KY: variants seen among roughly 807,000 people sequenced by gnomAD.
KY encodes kyphoscoliosis peptidase.
KY carries 43 observed loss-of-function variants against 76.1 expected under a neutral mutation model. The observed-to-expected ratio is 0.57, with a 90% CI of 0.44 to 0.73. The LOEUF (loss-of-function observed/expected upper bound fraction) is 0.73. Ranked by LOEUF, KY falls within the 30% of genes least tolerant of loss-of-function variation. The pLI is 0.00. For missense variants in KY, 722 were observed against 828.9 expected (o/e 0.87, Z 1.58); for synonymous variants, 277 against 326.2 (o/e 0.85, Z 1.63).
At chr3:134,628,091 C>T (rs1963706897) in intron 4 of KY, 1 of 479,418 alleles carries the variant, frequency 2.1e-6, no homozygotes, top group Admixed American at 3.5e-5. Flanking sequence ...TCTGACCTAA[C>T]ACTTTGGGTG....
In KY at chr3:134,604,010, TC is replaced by T; in HGVS notation, c.1554del (p.Lys519SerfsTer5). On this transcript the variant is annotated frameshift_variant, in exon 11 of 11. Coordinates refer to ENST00000423778, the MANE Select transcript of KY (RefSeq NM_178554.6). LOFTEE classifies it high-confidence loss of function. Reference protein sequence around the residue: ...QRRYIFQLHREKQTELKVQLP... With the variant: ...QRRYIFQLHRXKQTELKVQLP... ...AGCTGGACTTTCAGCTCGGTCTGCTTCTCCCGGTGCAGCTGGAAGATGTAGC... is the reference window on the plus strand; with the variant it reads ...AGCTGGACTTTCAGCTCGGTCTGCTTTCCCGGTGCAGCTGGAAGATGTAGC... The T allele has an allele frequency of 6.2e-7, 1 of 1,613,938 alleles. No individual in the cohort carries two copies. The highest frequency in any genetic ancestry group is 8.5e-7 in the Non-Finnish European group (1 of 1,179,824).
At chr3:134,638,907 G>GGT (rs3060233) in intron 3 of KY, among the ~76,000 whole-genome samples, 3 of 151,668 alleles carry the variant, frequency 2.0e-5, no homozygotes, top group African/African-American at 4.8e-5. Context: ...AAGACTGTCA[G>GGT]GTGTGTGTGT....
At chr3:134,615,954 C>G (rs113651001) in intron 8 of KY, among the ~76,000 whole-genome samples, 1 of 152,212 alleles carries the variant, frequency 6.6e-6, no homozygotes, top group East Asian at 1.9e-4. Flanking sequence ...CCCTCAGTGT[C>G]AGGGCTCAAA....
intron 2 of KY, among the ~76,000 whole-genome samples, chr3:134,647,195 G>T (rs993803677): frequency 6.6e-6 from 1 of 152,158 alleles, no homozygotes; most frequent in Non-Finnish European, 1.5e-5. Context: ...CAAACAAATG[G>T]GTGCTCAAGT....
chr3:134,634,851 C>T (rs555109183), intron 3 of KY, among the ~76,000 whole-genome samples: 1 of 152,260 alleles, frequency 6.6e-6, no homozygotes, highest in African/African-American at 2.4e-5. Context: ...TGGAACCAAT[C>T]CCCCATGTAT....
At chr3:134,640,150 G>A (rs1388107425) in intron 3 of KY, among the ~76,000 whole-genome samples, 3 of 147,378 alleles carry the variant, frequency 2.0e-5, no homozygotes, top group Middle Eastern at 3.2e-3. Flanking sequence ...CTGAGGAGGA[G>A]AGAAAATGTT....
chr3:134,643,469 G>C, intron 2 of KY, 91 bp from the exon 3 acceptor site: 1 of 1,034,998 alleles, frequency 9.7e-7, no homozygotes, highest in Non-Finnish European at 1.5e-6. Context: ...GGGAAAGGTG[G>C]GCTGGCGGGG....
At chr3:134,624,583 C>T (rs1963164089) in intron 6 of KY, among the ~76,000 whole-genome samples, 1 of 152,218 alleles carries the variant, frequency 6.6e-6, no homozygotes, top group Non-Finnish European at 1.5e-5. Flanking sequence ...CTGAGACATG[C>T]TCAGGGCCAG....
chr3:134,623,119 C>G (rs1011985139), intron 6 of KY, among the ~76,000 whole-genome samples: 57 of 152,252 alleles, frequency 3.7e-4, no homozygotes, highest in African/African-American at 1.4e-3. Flanking sequence ...CCTGACTTAG[C>G]CTTCTACTTC....
At chr3:134,624,750 C>A (rs551780192) in intron 6 of KY, among the ~76,000 whole-genome samples, 5 of 152,100 alleles carry the variant, frequency 3.3e-5, no homozygotes, top group African/African-American at 7.2e-5. Context: ...CCAAAAGGGG[C>A]ATGGAGAAGG....
At chr3:134,619,692 G>T (rs1962254103) in intron 7 of KY, among the ~76,000 whole-genome samples, 1 of 152,244 alleles carries the variant, frequency 6.6e-6, no homozygotes, top group South Asian at 2.1e-4. Flanking sequence ...CCCACAGCCT[G>T]TCACTTCACT....
intron 2 of KY, among the ~76,000 whole-genome samples, chr3:134,647,201 C>G (rs990995475): frequency 6.6e-6 from 1 of 152,226 alleles, no homozygotes; most frequent in African/African-American, 2.4e-5. Flanking sequence ...AATGGGTGCT[C>G]AAGTTCCTGG....
rs1029197767 is a variant in KY, at chr3:134,621,637, C to A, written c.484-780G>T. On this transcript the variant is annotated intron_variant, in intron 6 of 10. Transcript: ENST00000423778. ...CTCAGAAGAAAACACTGGGGTTAAT[C>A]TTCATGACCTTGGATTTGGCAATGA... Among the ~76,000 whole-genome samples the A allele has an allele frequency of 5.9e-5, 9 of 152,284 alleles. No homozygotes were observed. In the South Asian group the frequency reaches 1.2e-3, roughly 21 times the overall value.
At chr3:134,636,564 C>G (rs1205603996) in intron 3 of KY, among the ~76,000 whole-genome samples, 1 of 152,182 alleles carries the variant, frequency 6.6e-6, no homozygotes, top group African/African-American at 2.4e-5. Context: ...GAGGCTATCC[C>G]AGACCAGCTG....
chr3:134,600,301 G>C lies in KY; in HGVS notation c.*3278C>G, dbSNP rs1434012252. Among the ~76,000 whole-genome samples, 1 of 152,210 alleles carries C rather than the reference G, an allele frequency of 6.6e-6. No individual in the cohort carries two copies. The highest frequency in any genetic ancestry group is 6.5e-5 in the Admixed American group (1 of 15,276). On this transcript the variant is annotated 3_prime_UTR_variant, in exon 11 of 11. Transcript: ENST00000423778. ...CTGGGAAAACTTTTCTCCTTTTCAA[G>C]TCCTTTGAGAAGAGGATTTCACAAA...
At chr3:134,619,125 A>C (rs1034579953) in intron 8 of KY, 23 bp downstream of exon 8, 1 of 1,585,914 alleles carries the variant, frequency 6.3e-7, no homozygotes. Context: ...GGTGGTCAGC[A>C]TGGGGACTCC....
rs943112265 is a variant in KY at position 134,600,399 on chromosome 3, C to T, written c.*3180G>A. Among the ~76,000 whole-genome samples the T allele has an allele frequency of 6.6e-6, 1 of 152,146 alleles. No individual in the cohort carries two copies. Among genetic ancestry groups the T allele is most frequent in the African/African-American group, 2.4e-5 (1 of 41,426 alleles). ...TTATGTCTAGCCGAAATCCTTCATG[C>T]TTCAGTTAGTCTATTTATTTACTTT... On this transcript the variant is annotated 3_prime_UTR_variant, in exon 11 of 11. Transcript: ENST00000423778.
chr3:134,647,478 A>C lies in KY; in HGVS notation c.156T>G (p.Asn52Lys). 6 of 1,611,784 alleles carry C rather than the reference A, an allele frequency of 3.7e-6. No homozygotes were observed. Among genetic ancestry groups the C allele is most frequent in the Non-Finnish European group, 5.1e-6 (6 of 1,178,400 alleles). The change falls in exon 2 of 11, where the codon AAT becomes AAG. Residue 52 changes from asparagine to lysine, a missense_variant. This residue lies in a region of KY where 170 missense variants were observed against 148.1 expected (regional missense o/e 1.15). Coordinates refer to ENST00000423778, the MANE Select transcript of KY (RefSeq NM_178554.6). ...QRGGGFQGVGNGVRRWQKLEG... is the reference protein window; with the variant it reads ...QRGGGFQGVGKGVRRWQKLEG... ...CTAATTTCTGCCATCTTCGGACTCCATTTCCAACACCTTGGAATCCTGCAA... is the reference window on the plus strand; with the variant it reads ...CTAATTTCTGCCATCTTCGGACTCCCTTTCCAACACCTTGGAATCCTGCAA...
At chr3:134,650,730 C>T in intron 1 of KY, 95 bp downstream of exon 1, 1 of 1,202,756 alleles carries the variant, frequency 8.3e-7, no homozygotes, top group South Asian at 1.6e-5. Flanking sequence ...TGACCTCGTT[C>T]GGGGGAGCAA....
Sources: allele counts gnomAD v4.1 joint callset (sites outside exome capture counted in the v4.1 genomes callset), GRCh38; gene constraint gnomAD v4.1.1; regional missense constraint gnomAD v4.1.1; transcripts MANE v1.5; gene names NCBI Gene and HGNC (gene_info 2026-07-23, HGNC 2026-07-21).